The following BABAM2 variants were observed in gnomAD, a reference collection of about 807,000 sequenced individuals.
The protein encoded by BABAM2 is BRISC and BRCA1 A complex member 2, also known as BRISC and BRCA1-A complex member 2.
Under a neutral mutation model 54.7 loss-of-function variants are expected in BABAM2, and 31 were observed. The ratio of observed to expected loss-of-function variants is 0.57; its 90% CI spans 0.43 to 0.77. The LOEUF is 0.77. Among genes scored for constraint, BABAM2 ranks in the 30% least tolerant of loss-of-function variants. BABAM2 has a pLI of 0.00. For missense variants in BABAM2, 364 were observed against 455.8 expected, an observed-to-expected ratio of 0.80 and a Z score of 1.83; for synonymous variants, 167 against 162.9, an observed-to-expected ratio of 1.03 and a Z score of -0.19.
At chr2:28,116,646 A>C (rs1033480261) in intron 6 of BABAM2, among the ~76,000 whole-genome samples, 2 of 152,168 alleles carry the variant, frequency 1.3e-5, no homozygotes, top group African/African-American at 4.8e-5. Flanking sequence ...CCTGGAGAGG[A>C]GAGGACAGGG....
intron 5 of BABAM2, among the ~76,000 whole-genome samples, chr2:28,045,255 G>A (rs1040715035): frequency 1.3e-5 from 2 of 152,130 alleles, no homozygotes; most frequent in African/African-American, 4.8e-5. Flanking sequence ...CCCACTGCTA[G>A]GTAGAAGTTT....
chr2:28,187,446 A>G (rs1409037137), intron 7 of BABAM2, among the ~76,000 whole-genome samples: 1 of 152,176 alleles, frequency 6.6e-6, no homozygotes, highest in Non-Finnish European at 1.5e-5. Context: ...CTCTTTCCAC[A>G]TACAGTTCCC....
intron 3 of BABAM2, among the ~76,000 whole-genome samples, chr2:27,948,949 T>C (rs901663027): frequency 3.3e-5 from 5 of 152,162 alleles, no homozygotes; most frequent in Admixed American, 1.3e-4. Context: ...GGGGATTTTT[T>C]GTTTTGTTTA....
At chr2:27,972,918 C>A (rs1671327076) in intron 3 of BABAM2, among the ~76,000 whole-genome samples, 2 of 151,552 alleles carry the variant, frequency 1.3e-5, no homozygotes, top group South Asian at 4.2e-4. Flanking sequence ...AGGCGCGCAC[C>A]CCCACACCTG....
At chr2:28,015,564 A>T (rs1189980388) in intron 4 of BABAM2, among the ~76,000 whole-genome samples, 3 of 152,188 alleles carry the variant, frequency 2.0e-5, no homozygotes, top group Non-Finnish European at 4.4e-5. Context: ...ATAGATGTTC[A>T]AGCAGCAGGC....
chr2:27,995,923 C>T lies in BABAM2; in HGVS notation c.300+7836C>T. ...TTAGAGAATATGTTCTTCAGTTTTA[C>T]AATTCTATTTGATTATTTTCTGTAA... On this transcript the variant is annotated intron_variant, in intron 4 of 11. Coordinates refer to ENST00000379624, the MANE Select transcript of BABAM2 (RefSeq NM_199191.3). The surrounding 1 kb of genome is among the most constrained non-coding windows in gnomAD (Gnocchi z 4.1). Among the ~76,000 whole-genome samples, 1 of 152,148 alleles carries T rather than the reference C, an allele frequency of 6.6e-6. No homozygotes were observed. The highest frequency in any genetic ancestry group is 1.5e-5 in the Non-Finnish European group (1 of 68,008).
chr2:28,205,970 C>T (rs68041479), intron 7 of BABAM2, among the ~76,000 whole-genome samples: 10,020 of 151,944 alleles, frequency 0.066, 389 homozygotes, highest in Middle Eastern at 0.12. Flanking sequence ...TAAATTTTTC[C>T]GTGGAAAAAT....
At chr2:28,284,087 C>T (rs987990545) in intron 10 of BABAM2, among the ~76,000 whole-genome samples, 2 of 152,168 alleles carry the variant, frequency 1.3e-5, no homozygotes, top group African/African-American at 2.4e-5. Flanking sequence ...TCAACATGAT[C>T]ACCTTATGTT....
intron 7 of BABAM2, among the ~76,000 whole-genome samples, chr2:28,174,704 G>A (rs1231381988): frequency 1.3e-5 from 2 of 152,198 alleles, no homozygotes; most frequent in African/African-American, 4.8e-5. Context: ...TTGAGACCAT[G>A]CTAGGGAATT....
chr2:28,230,497 T>C (rs1475529418), intron 7 of BABAM2, among the ~76,000 whole-genome samples: 1 of 151,876 alleles, frequency 6.6e-6, no homozygotes, highest in African/African-American at 2.4e-5. Context: ...AGCAGATCAC[T>C]TGAGCCTAGG....
chr2:28,282,339 G>A (rs1390069590), intron 10 of BABAM2, among the ~76,000 whole-genome samples: 1 of 152,134 alleles, frequency 6.6e-6, no homozygotes, highest in African/African-American at 2.4e-5. Context: ...GGTCCAAAAC[G>A]ACTGTGTTTA....
rs111827324 is a variant in BABAM2 at position 28,025,481 on chromosome 2, T to G, written c.495+61T>G. 4.2e-5 allele frequency: 60 copies of G among 1,415,210 alleles called. No individual in the cohort carries two copies. In the African/African-American group the frequency reaches 4.4e-4, roughly 10 times the overall value. The allele number at this position is 1,415,210 out of a possible 1,614,324, so 87.7% of individuals were successfully genotyped here. ...CATCCATAATAAAATAATCAATTCA[T>G]ATGTCCATTTGTAAATCCTAGTCAT... On this transcript the variant is annotated intron_variant, in intron 5 of 11. Coordinates refer to ENST00000379624, the MANE Select transcript of BABAM2 (RefSeq NM_199191.3).
chr2:28,294,945 T>A (rs558416803), intron 10 of BABAM2, among the ~76,000 whole-genome samples: 1 of 152,334 alleles, frequency 6.6e-6, no homozygotes, highest in Admixed American at 6.5e-5. Flanking sequence ...GTTAGACAAA[T>A]CTCCATGGAG....
chr2:28,063,585 T>C (rs1679078297), intron 6 of BABAM2, among the ~76,000 whole-genome samples: 1 of 152,190 alleles, frequency 6.6e-6, no homozygotes, highest in Non-Finnish European at 1.5e-5. Flanking sequence ...ACAGTGCAGC[T>C]CTACACAGTG....
chr2:28,237,354 AC>A, intron 8 of BABAM2, 53 bp downstream of exon 8: 1 of 1,500,250 alleles, frequency 6.7e-7, no homozygotes, highest in Non-Finnish European at 9.2e-7. Flanking sequence ...CCTCCAGTCC[AC>A]CACGTACCCA....
rs397735161 is a variant in BABAM2 at position 28,040,294 on chromosome 2, C to CTTTTTTTTTTTTTTTTT, written c.496-5423_496-5407dup. ...CAGTGCCAGAATGAAAAACTGAATT[C>CTTTTTTTTTTTTTTTTT]TTTTTTTTTTTTTTTTTTTTTTTTG... On this transcript the variant is annotated intron_variant, in intron 5 of 11. Coordinates refer to ENST00000379624, the MANE Select transcript of BABAM2 (RefSeq NM_199191.3). Among the ~76,000 whole-genome samples the CTTTTTTTTTTTTTTTTT allele has an allele frequency of 5.0e-3, 296 of 59,488 alleles. 46 individuals carry two copies. The highest frequency in any genetic ancestry group is 6.2e-3 in the Non-Finnish European group (206 of 33,470). 39.0% of individuals were successfully genotyped at this position (59,488 alleles called of 152,430 possible). A position where few individuals can be genotyped will look rare whatever the true frequency, so the allele number is the denominator to read the frequency against.
chr2:28,240,911 C>A (rs1011158025), intron 8 of BABAM2, among the ~76,000 whole-genome samples: 3 of 149,230 alleles, frequency 2.0e-5, no homozygotes, highest in Non-Finnish European at 4.5e-5. Flanking sequence ...TATTTTAATT[C>A]TTTTGAATTA....
intron 3 of BABAM2, among the ~76,000 whole-genome samples, chr2:27,954,731 C>T (rs545714012): frequency 8.7e-4 from 132 of 152,250 alleles, no homozygotes; most frequent in African/African-American, 3.0e-3. Flanking sequence ...TGCCAACTTT[C>T]GTCGAATTAA....
chr2:28,154,171 A>G (rs1672328252), intron 7 of BABAM2, among the ~76,000 whole-genome samples: 1 of 152,210 alleles, frequency 6.6e-6, no homozygotes, highest in Non-Finnish European at 1.5e-5. Context: ...CTGGAGCCTT[A>G]TAATAATAGT....
Sources: gnomAD v4.1 joint callset for allele counts (sites outside exome capture counted in the v4.1 genomes callset) on GRCh38, gnomAD v4.1.1 for gene constraint, Gnocchi (gnomAD v3.1) non-coding constraint, MANE v1.5 for transcripts, NCBI Gene and HGNC (gene_info 2026-07-23, HGNC 2026-07-21) for gene names.